The following CTDP1 variants were observed in gnomAD, a reference collection of about 807,000 sequenced individuals.
CTDP1 encodes the protein CTD phosphatase 1.
A neutral mutation model predicts 91.8 loss-of-function variants in CTDP1; 47 were observed. The observed-to-expected ratio is 0.51, with a 90% CI of 0.41 to 0.65. CTDP1 has a LOEUF of 0.65. Among genes scored for constraint, CTDP1 ranks in the 30% least tolerant of loss-of-function variants. The pLI is 0.00. For synonymous variants in CTDP1, 656 were observed against 598.5 expected (o/e 1.10, Z -1.40); for missense variants, 1,272 against 1,373.7 (o/e 0.93, Z 1.17).
Position 79,679,884 on chromosome 18 carries a change from TAGGCGCTGCGCTCTGAGCGCAGCGCA to T in CTDP1, c.-63_-38del, listed in dbSNP as rs2085317380. 1 of 1,307,672 alleles carries T rather than the reference TAGGCGCTGCGCTCTGAGCGCAGCGCA, an allele frequency of 7.6e-7. No individual in the cohort carries two copies. The highest frequency in any genetic ancestry group is 1.6e-5 in the South Asian group (1 of 63,240). 81.0% of individuals were successfully genotyped at this position (1,307,672 alleles called of 1,614,324 possible). On this transcript the variant is annotated 5_prime_UTR_variant, in exon 1 of 13. Transcript: ENST00000613122. ...CGCCGCCTGGGTTGTGTCGCCGCGG[TAGGCGCTGCGCTCTGAGCGCAGCGCA>T]GGCCCCGTACCGACCGCCCGCCCGC...
chr18:79,738,471 C>T (rs1414107266), intron 12 of CTDP1, among the ~76,000 whole-genome samples: 1 of 152,234 alleles, frequency 6.6e-6, no homozygotes, highest in African/African-American at 2.4e-5. Flanking sequence ...GCAGCGCCAG[C>T]CTCGGAGGAG....
intron 1 of CTDP1, among the ~76,000 whole-genome samples, chr18:79,693,610 GC>G (rs2085668553): frequency 6.6e-6 from 1 of 152,178 alleles, no homozygotes; most frequent in Admixed American, 6.5e-5. Flanking sequence ...TGTTGCACAT[GC>G]ACTGTGTACG....
intron 11 of CTDP1, among the ~76,000 whole-genome samples, chr18:79,731,766 A>G (rs920107534): frequency 1.3e-5 from 2 of 152,252 alleles, no homozygotes; most frequent in African/African-American, 2.4e-5. Flanking sequence ...TCTGCATTTA[A>G]TATACGTGGA....
In CTDP1 at chr18:79,680,066, G is replaced by T; in HGVS notation, c.119G>T (p.Gly40Val). The change falls in exon 1 of 13, where the codon GGC becomes GTC. Residue 40 changes from glycine (G) to valine (V), a missense_variant. By Grantham distance (109) the Gly-to-Val change is moderately radical. Coordinates refer to ENST00000613122, the MANE Select transcript of CTDP1 (RefSeq NM_004715.5). ...CTGCTGGAGTGGAGGGTGGCGGCGG[G>T]CGCGGCCGTGCGCATCGGCTCGGTG... ...LRLLEWRVAAGAAVRIGSVLA... is the reference protein window; with the variant it reads ...LRLLEWRVAAVAAVRIGSVLA... 1 of 1,255,910 alleles carries T rather than the reference G, an allele frequency of 8.0e-7. No individual in the cohort carries two copies. The highest frequency in any genetic ancestry group is 1.0e-6 in the Non-Finnish European group (1 of 1,004,544). The allele number at this position is 1,255,910 out of a possible 1,614,324, so 77.8% of individuals were successfully genotyped here.
At chr18:79,692,655 G>C (rs2085649392) in intron 1 of CTDP1, among the ~76,000 whole-genome samples, 1 of 152,144 alleles carries the variant, frequency 6.6e-6, no homozygotes, top group Admixed American at 6.5e-5. Context: ...CGGTGAGCTG[G>C]TGTCTTGCAT....
At position 79,754,109 on chromosome 18, in the gene CTDP1, T is replaced by C; in HGVS notation, c.*319T>C. ...GGCGGGTTGGTGTGTTTTCCCCTTG[T>C]GTACCAGAGCACATTCCTTAGGGGA... is the stretch of plus-strand genomic sequence containing the variant. On this transcript the variant is annotated 3_prime_UTR_variant, in exon 13 of 13. Transcript: ENST00000613122. 1 of 412,976 alleles carries C rather than the reference T, an allele frequency of 2.4e-6. No homozygotes were observed. The highest frequency in any genetic ancestry group is 4.6e-6 in the Non-Finnish European group (1 of 218,686). 25.6% of individuals were successfully genotyped at this position (412,976 alleles called of 1,614,324 possible).
chr18:79,733,244 G>A (rs892930430), intron 11 of CTDP1, among the ~76,000 whole-genome samples: 3 of 152,234 alleles, frequency 2.0e-5, no homozygotes, highest in Admixed American at 6.5e-5. Flanking sequence ...TGCGTTTGGC[G>A]TGTGTGGATC....
rs191423371 is a variant in CTDP1 at position 79,691,324 on chromosome 18, C to T, written c.315-3901C>T. On this transcript the variant is annotated intron_variant, in intron 1 of 12. Coordinates refer to ENST00000613122, the MANE Select transcript of CTDP1 (RefSeq NM_004715.5). The stretch of plus-strand genomic sequence containing the variant: ...TTGTGGGAAGCAGGGCCAGCTTACA[C>T]TCGCTCTTAGACCTGTGCTGGGGAA... 2.6e-3 allele frequency among the ~76,000 whole-genome samples: 401 copies of T among 152,204 alleles called. 1 individual carries two copies. Among genetic ancestry groups the T allele is most frequent in the African/African-American group, 9.2e-3 (381 of 41,450 alleles).
chr18:79,679,769 C>T (rs1447321316), upstream of CTDP1: 2 of 566,262 alleles, frequency 3.5e-6, no homozygotes, highest in Non-Finnish European at 6.1e-6. Context: ...CGCACGTACG[C>T]GGCGCCCTTG....
Position 79,732,135 on chromosome 18 carries a change from C to T in CTDP1, c.2580+3066C>T, listed in dbSNP as rs138183299. ...GACATCAGGAGTGCTCCCAAAATCA[C>T]GTGAGACATAAGAACTAACATCAGG... On this transcript the variant is annotated intron_variant, in intron 11 of 12. Coordinates refer to ENST00000613122, the MANE Select transcript of CTDP1 (RefSeq NM_004715.5). Among the ~76,000 whole-genome samples, 11 of 150,642 alleles carry T rather than the reference C, an allele frequency of 7.3e-5. No homozygotes were observed. The East Asian group carries it at 1.6e-3, about 22-fold the overall frequency.
Position 79,679,876 on chromosome 18 carries a change from C to A in CTDP1, c.-72C>A. On this transcript the variant is annotated 5_prime_UTR_variant, in exon 1 of 13. Transcript: ENST00000613122. ...TACAGCGTCGCCGCCTGGGTTGTGT[C>A]GCCGCGGTAGGCGCTGCGCTCTGAG... 3 of 1,292,838 alleles carry A rather than the reference C, an allele frequency of 2.3e-6. No homozygotes were observed. The highest frequency in any genetic ancestry group is 1.6e-5 in the South Asian group (1 of 62,180). 80.1% of individuals were successfully genotyped at this position (1,292,838 alleles called of 1,614,324 possible). A position where few individuals can be genotyped will look rare whatever the true frequency, so the allele number is the denominator to read the frequency against.
intron 10 of CTDP1, among the ~76,000 whole-genome samples, chr18:79,724,437 G>C (rs2086405442): frequency 6.6e-6 from 1 of 152,198 alleles, no homozygotes; most frequent in Non-Finnish European, 1.5e-5. Flanking sequence ...CATGTTTTCA[G>C]CAGCGGTGAG....
chr18:79,691,140 C>T (rs1228199460), intron 1 of CTDP1, among the ~76,000 whole-genome samples: 2 of 151,760 alleles, frequency 1.3e-5, no homozygotes, highest in Non-Finnish European at 2.9e-5. Context: ...TAGAACTAGG[C>T]ATCTGCTGTA....
Position 79,714,921 on chromosome 18 carries a change from G to A in CTDP1, c.1461G>A (p.Pro487=), listed in dbSNP as rs2126082. Residue 487 remains proline, a synonymous_variant, in exon 8 of 13, where the codon CCG becomes CCA. Coordinates refer to ENST00000613122, the MANE Select transcript of CTDP1 (RefSeq NM_004715.5). The stretch of plus-strand genomic sequence containing the variant: ...AGGGGAAAAGAGGCCGGCAGAAGCC[G>A]AAGGCTGCCCCAGAGGGAGCCGGGG... ...ESEGKRGRQK[P]KAAPEGAGAL... 0.17 allele frequency: 260,104 copies of A among 1,564,898 alleles called. 22,303 individuals are homozygous for A. Among genetic ancestry groups the A allele is most frequent in the Middle Eastern group, 0.26 (1,539 of 5,998 alleles).
At chr18:79,702,914 G>A (rs1735914237) in intron 4 of CTDP1, 2 of 152,502 alleles carry the variant, frequency 1.3e-5, no homozygotes, top group Admixed American at 6.5e-5. Context: ...TCCTGATGTA[G>A]TGGGGAGGGG....
In CTDP1 at chr18:79,728,909, C is replaced by T. The variant is rs777446741; in HGVS notation, c.2420C>T (p.Ala807Val). 43 of 1,613,744 alleles carry T rather than the reference C, an allele frequency of 2.7e-5. No homozygotes were observed. Among genetic ancestry groups the T allele is most frequent in the East Asian group, 4.5e-5 (2 of 44,898 alleles). Residue 807 changes from alanine to valine, a missense_variant and splice_region_variant, in exon 11 of 13, where the codon GCG becomes GTG. Coordinates refer to ENST00000613122, the MANE Select transcript of CTDP1 (RefSeq NM_004715.5). ...PIRQEPSSFR[A>V]VPPPQPQMFG... Reference sequence around the variant, plus strand: ...GGGACCTATGAAATTCCTTTCAGAGCGGTTCCGCCACCCCAGCCGCAGATG... The same window carrying T: ...GGGACCTATGAAATTCCTTTCAGAGTGGTTCCGCCACCCCAGCCGCAGATG...
rs542547250 is a variant in CTDP1 at position 79,719,352 on chromosome 18, G to A, written c.2417+1336G>A. ...CAGGGTGGCTGCGGGCAGCTGGGCCGGTGCGGGTGGCTTCCCGTGCGGCAG... is the reference window on the plus strand; with the variant it reads ...CAGGGTGGCTGCGGGCAGCTGGGCCAGTGCGGGTGGCTTCCCGTGCGGCAG... On this transcript the variant is annotated intron_variant, in intron 10 of 12. Coordinates refer to ENST00000613122, the MANE Select transcript of CTDP1 (RefSeq NM_004715.5). Among the ~76,000 whole-genome samples, 22 of 152,226 alleles carry A rather than the reference G, an allele frequency of 1.4e-4. No homozygotes were observed. The South Asian group carries it at 2.1e-3, about 14-fold the overall frequency.
chr18:79,719,006 T>C (rs685665), intron 10 of CTDP1, among the ~76,000 whole-genome samples: 115,866 of 152,066 alleles, frequency 0.76, 44,403 homozygotes, highest in Middle Eastern at 0.79. Context: ...CTGGAGTGCA[T>C]GGCCCTCCCA....
intron 12 of CTDP1, among the ~76,000 whole-genome samples, chr18:79,742,712 CT>C (rs2122836081): frequency 6.6e-6 from 1 of 152,332 alleles, no homozygotes; most frequent in Admixed American, 6.5e-5. Context: ...AATCCTAGCA[CT>C]TTAGGATGCC....
Sources: allele counts gnomAD v4.1 joint callset (sites outside exome capture counted in the v4.1 genomes callset), GRCh38; gene constraint gnomAD v4.1.1; transcripts MANE v1.5; gene names NCBI Gene and HGNC (gene_info 2026-07-23, HGNC 2026-07-21).